Variants in NGEF observed in about 807,000 individuals in gnomAD.
NGEF encodes ephexin-1.
Under a neutral mutation model 80.9 loss-of-function variants are expected in NGEF, and 31 were observed. That is an observed-to-expected ratio of 0.38 (90% CI 0.29 to 0.52). The LOEUF (loss-of-function observed/expected upper bound fraction) is 0.52. Among genes scored for constraint, NGEF ranks in the 20% least tolerant of loss-of-function variants. The pLI is 0.84. For synonymous variants in NGEF, 371 were observed against 370.2 expected, an observed-to-expected ratio of 1.00 and a Z score of -0.03; for missense variants, 709 against 926.2, an observed-to-expected ratio of 0.77 and a Z score of 3.04.
intron 1 of NGEF, among the ~76,000 whole-genome samples, chr2:232,990,177 A>T (rs531766996): frequency 5.9e-5 from 9 of 152,200 alleles, no homozygotes; most frequent in African/African-American, 9.6e-5. Flanking sequence ...ACCAACTGAA[A>T]CTCCCAGAAT....
At chr2:232,883,864 T>A (rs1691591282) in intron 11 of NGEF, 117 bp downstream of exon 11, 1 of 1,123,346 alleles carries the variant, frequency 8.9e-7, no homozygotes, top group African/African-American at 1.6e-5. Flanking sequence ...CCTTTAAACC[T>A]GACCGAAGAG....
Position 232,995,176 on chromosome 2 carries a change from A to G in NGEF, c.-75+17892T>C, listed in dbSNP as rs562854662. 5.9e-5 allele frequency among the ~76,000 whole-genome samples: 2 copies of G among 33,776 alleles called. 1 individual carries two copies. The highest frequency in any genetic ancestry group is 1.3e-4 in the Non-Finnish European group (2 of 15,942). The allele number at this position is 33,776 out of a possible 152,430, so 22.2% of individuals were successfully genotyped here. A position where few individuals can be genotyped will look rare whatever the true frequency, so the allele number is the denominator to read the frequency against. The stretch of plus-strand genomic sequence containing the variant: ...TACAGTATGTATACTGTATATGTGT[A>G]CAGTATGTATGCTGTGTACAGTATG... On this transcript the variant is annotated intron_variant, in intron 1 of 14. Transcript: ENST00000264051.
intron 2 of NGEF, among the ~76,000 whole-genome samples, chr2:232,972,331 C>T (rs1379737732): frequency 1.3e-5 from 2 of 152,184 alleles, no homozygotes; most frequent in Non-Finnish European, 2.9e-5. Context: ...TTATTAACTA[C>T]AGGATAAAAT....
chr2:232,913,464 C>G (rs1692731032), intron 5 of NGEF, among the ~76,000 whole-genome samples: 1 of 152,126 alleles, frequency 6.6e-6, no homozygotes, highest in Non-Finnish European at 1.5e-5. Context: ...GTAGAGTGTT[C>G]TAGGAATGTT....
At chr2:232,993,874 A>G (rs1009849688) in intron 1 of NGEF, among the ~76,000 whole-genome samples, 1 of 152,212 alleles carries the variant, frequency 6.6e-6, no homozygotes. Flanking sequence ...GAGACTCCAC[A>G]GAGACTGAAA....
intron 3 of NGEF, among the ~76,000 whole-genome samples, chr2:232,948,598 A>G (rs1307697760): frequency 6.6e-6 from 1 of 152,196 alleles, no homozygotes; most frequent in African/African-American, 2.4e-5. Context: ...TTGAGGCCAT[A>G]TGGGAGCTTA....
rs1372703055 is a variant in NGEF at position 232,899,779 on chromosome 2, C to T, written c.829-4863G>A. Among the ~76,000 whole-genome samples the T allele has an allele frequency of 2.2e-5, 3 of 138,710 alleles. 1 individual carries two copies. The highest frequency in any genetic ancestry group is 5.4e-5 in the African/African-American group (2 of 37,358). 91.0% of individuals were successfully genotyped at this position (138,710 alleles called of 152,430 possible). A position where few individuals can be genotyped will look rare whatever the true frequency, so the allele number is the denominator to read the frequency against. On this transcript the variant is annotated intron_variant, in intron 5 of 14. Transcript: ENST00000264051. ...GTGCTCTCACAGTCACTCATATACA[C>T]GTTCACTCACATTCACTCACACACA...
intron 1 of NGEF, among the ~76,000 whole-genome samples, chr2:232,995,776 A>G (rs1694828395): frequency 6.8e-6 from 1 of 146,970 alleles, no homozygotes; most frequent in Non-Finnish European, 1.5e-5. Context: ...GTATTCATAT[A>G]CATATATGTA....
chr2:232,927,545 C>T (rs1575021399), intron 3 of NGEF, among the ~76,000 whole-genome samples: 1 of 152,144 alleles, frequency 6.6e-6, no homozygotes, highest in Admixed American at 6.5e-5. Flanking sequence ...CGCCCCTCGC[C>T]GTCACTCGAC....
intron 12 of NGEF, among the ~76,000 whole-genome samples, chr2:232,882,867 G>T (rs1165470903): frequency 6.6e-6 from 1 of 152,162 alleles, no homozygotes; most frequent in African/African-American, 2.4e-5. Context: ...TGTCCCTCGT[G>T]GGGGGCCTAG....
chr2:232,998,765 G>A (rs976313405), intron 1 of NGEF, among the ~76,000 whole-genome samples: 6 of 152,072 alleles, frequency 3.9e-5, no homozygotes, highest in Non-Finnish European at 8.8e-5. Flanking sequence ...TTCTTCTGAT[G>A]TCTAACACCC....
intron 3 of NGEF, among the ~76,000 whole-genome samples, chr2:232,958,749 A>G (rs1478224097): frequency 1.3e-5 from 2 of 152,222 alleles, no homozygotes; most frequent in African/African-American, 4.8e-5. Flanking sequence ...ATTAAAAATT[A>G]AAGTTTTCAT....
At chr2:233,006,602 A>G (rs1695088611) in intron 1 of NGEF, among the ~76,000 whole-genome samples, 1 of 152,230 alleles carries the variant, frequency 6.6e-6, no homozygotes. Context: ...AAATTCACTA[A>G]TAAATGCTGC....
intron 5 of NGEF, among the ~76,000 whole-genome samples, chr2:232,897,882 A>G (rs1692149369): frequency 6.6e-6 from 1 of 152,232 alleles, no homozygotes; most frequent in Admixed American, 6.5e-5. Flanking sequence ...AGACGCTGAA[A>G]TGAGCCTGTG....
intron 5 of NGEF, among the ~76,000 whole-genome samples, chr2:232,914,186 A>G (rs778363): frequency 0.24 from 36,295 of 152,166 alleles, 4,659 homozygotes; most frequent in Non-Finnish European, 0.29. Flanking sequence ...GTTCTGACAG[A>G]CAGTATGGTC....
intron 3 of NGEF, among the ~76,000 whole-genome samples, chr2:232,967,354 A>G (rs188862842): frequency 2.7e-4 from 41 of 152,104 alleles, no homozygotes; most frequent in African/African-American, 9.9e-4. Flanking sequence ...TTATTTTTTG[A>G]GACAGAGTCT....
At chr2:232,979,405 T>C (rs1694363671) in intron 1 of NGEF, among the ~76,000 whole-genome samples, 1 of 149,816 alleles carries the variant, frequency 6.7e-6, no homozygotes, top group Admixed American at 6.6e-5. Flanking sequence ...CAGGAAGAGA[T>C]TGTAAAACTA....
chr2:232,892,917 G>T lies in NGEF; in HGVS notation c.1123C>A (p.Arg375=), dbSNP rs752687283. ...ACTCACAGCAGCTGCTTATAGGTCC[G>T]CTCCTGGTAGGTCTGATTGCTGACG... ...TYVSNQTYQE[R]TYKQLLQEKA... The change falls in exon 7 of 15, where the codon CGG becomes AGG. Residue 375 remains arginine (R), a synonymous_variant. Coordinates refer to ENST00000264051, the MANE Select transcript of NGEF (RefSeq NM_019850.3). The surrounding 1 kb of genome is among the most constrained non-coding windows in gnomAD (Gnocchi z 4.0). 2.9e-5 allele frequency: 47 copies of T among 1,613,248 alleles called. No homozygotes were observed. Among genetic ancestry groups the T allele is most frequent in the Non-Finnish European group, 4.0e-5 (47 of 1,179,866 alleles).
rs538030720 is a variant in NGEF at position 232,965,683 on chromosome 2, G to A, written c.383+4531C>T. The stretch of plus-strand genomic sequence containing the variant: ...AGCCCTCTGAACCTGACAGCTCATC[G>A]GAGGCTTTTGTCTAGAAAATGTCTC... On this transcript the variant is annotated intron_variant, in intron 3 of 14. Transcript: ENST00000264051. 7.2e-5 allele frequency among the ~76,000 whole-genome samples: 11 copies of A among 152,202 alleles called. 1 individual carries two copies. Among genetic ancestry groups the A allele is most frequent in the African/African-American group, 1.7e-4 (7 of 41,524 alleles).
Sources: allele counts gnomAD v4.1 joint callset (sites outside exome capture counted in the v4.1 genomes callset), GRCh38; gene constraint gnomAD v4.1.1; non-coding constraint Gnocchi (gnomAD v3.1); transcripts MANE v1.5; gene names NCBI Gene and HGNC (gene_info 2026-07-23, HGNC 2026-07-21).